Variants in ANO10 observed in about 807,000 individuals in gnomAD.
The protein encoded by ANO10 is anoctamin 10.
ANO10 carries 77 observed loss-of-function variants against 74.7 expected under a neutral mutation model. That is an observed-to-expected ratio of 1.03 (90% CI 0.86 to 1.25). The LOEUF (loss-of-function observed/expected upper bound fraction) is 1.25, where lower values mean the gene tolerates loss of function less well. Ranked by LOEUF, ANO10 falls within the 50% of genes most tolerant of loss-of-function variation. ANO10 has a pLI of 0.00. For synonymous variants in ANO10, 279 were observed against 284.9 expected, an observed-to-expected ratio of 0.98 and a Z score of 0.21; for missense variants, 721 against 778.1, an observed-to-expected ratio of 0.93 and a Z score of 0.87.
At chr3:43,688,422 T>C (rs769398171) in intron 1 of ANO10, among the ~76,000 whole-genome samples, 52 of 152,182 alleles carry the variant, frequency 3.4e-4, no homozygotes, top group Non-Finnish European at 6.0e-4. Context: ...CTAAAGTAAC[T>C]CCATCTCAGA....
At chr3:43,599,537 AT>A (rs1371020308) in intron 3 of ANO10, among the ~76,000 whole-genome samples, 3 of 152,212 alleles carry the variant, frequency 2.0e-5, no homozygotes, top group Non-Finnish European at 2.9e-5. Flanking sequence ...TTTGTAGAAA[AT>A]AATCTCTACT....
At chr3:43,549,579 AT>A in intron 11 of ANO10, 140 bp downstream of exon 11, 1 of 902,796 alleles carries the variant, frequency 1.1e-6, no homozygotes. Flanking sequence ...CATGTTTTCT[AT>A]TACTTGAACT....
At position 43,605,733 on chromosome 3, in the gene ANO10, T is replaced by A; in HGVS notation, c.120A>T (p.Ile40=). Residue 40 remains isoleucine, a synonymous_variant, in exon 2 of 13, where the codon ATA becomes ATT. Coordinates refer to ENST00000292246, the MANE Select transcript of ANO10 (RefSeq NM_018075.5). ...ACTCACCTCCATCTTTTTTTTTAGC[T>A]ATAATTCTGTTTTTCAGCCATTCTT... The part of the protein sequence containing the change: ...ETKEWLKNRI[I]AKKKDGGAQL... 6.2e-7 allele frequency: 1 copy of A among 1,613,730 alleles called. No homozygotes were observed. Among genetic ancestry groups the A allele is most frequent in the Non-Finnish European group, 8.5e-7 (1 of 1,179,712 alleles).
intron 12 of ANO10, among the ~76,000 whole-genome samples, chr3:43,369,394 G>A (rs1442331228): frequency 6.6e-6 from 1 of 152,246 alleles, no homozygotes; most frequent in Non-Finnish European, 1.5e-5. Context: ...AGAATGGCCA[G>A]GGACCCTACA....
chr3:43,372,997 T>C lies in ANO10; in HGVS notation c.1915-6023A>G, dbSNP rs557455135. 243 of 776,600 alleles carry C rather than the reference T, an allele frequency of 3.1e-4. 1 individual carries two copies. The highest frequency in any genetic ancestry group is 4.5e-4 in the Non-Finnish European group (224 of 496,728). 48.1% of individuals were successfully genotyped at this position (776,600 alleles called of 1,614,324 possible). ...TTCAAGTTCTTGAAGTCAGCATCAC[T>C]CTCTGGCCCACAAATTGGCCAATCC... On this transcript the variant is annotated intron_variant, in intron 12 of 12. Transcript: ENST00000292246.
At chr3:43,448,869 CTTTCT>C (rs1334409614) in intron 11 of ANO10, among the ~76,000 whole-genome samples, 55 of 94,470 alleles carry the variant, frequency 5.8e-4, no homozygotes, top group African/African-American at 1.4e-3. Flanking sequence ...TTCTTTCTTT[CTTTCT>C]TTTTTTTTTT....
At chr3:43,618,809 T>C (rs371795850) in intron 1 of ANO10, among the ~76,000 whole-genome samples, 1 of 152,192 alleles carries the variant, frequency 6.6e-6, no homozygotes, top group African/African-American at 2.4e-5. Flanking sequence ...TACGTCTTTT[T>C]TTTTTTCTTT....
chr3:43,549,614 T>C, intron 11 of ANO10, 106 bp downstream of exon 11: 1 of 1,298,428 alleles, frequency 7.7e-7, no homozygotes, highest in Non-Finnish European at 1.1e-6. Flanking sequence ...TACCAGTAAA[T>C]CCATATTGCT....
intron 1 of ANO10, among the ~76,000 whole-genome samples, chr3:43,673,752 AAAG>A (rs2084088220): frequency 6.6e-6 from 1 of 152,178 alleles, no homozygotes; most frequent in African/African-American, 2.4e-5. Context: ...AGGCAGAGGA[AAAG>A]AACACTATTA....
At chr3:43,500,948 AG>A (rs2077078031) in intron 11 of ANO10, among the ~76,000 whole-genome samples, 2 of 152,180 alleles carry the variant, frequency 1.3e-5, no homozygotes, top group Non-Finnish European at 2.9e-5. Context: ...GGTATGTAAG[AG>A]GGCTGGGGAG....
chr3:43,433,085 G>C (rs558885681), intron 11 of ANO10, among the ~76,000 whole-genome samples: 2 of 146,846 alleles, frequency 1.4e-5, no homozygotes, highest in Non-Finnish European at 3.0e-5. Flanking sequence ...TCAGCCTCCC[G>C]AGTGCACCAT....
At chr3:43,488,236 T>C (rs2076576551) in intron 11 of ANO10, among the ~76,000 whole-genome samples, 1 of 151,306 alleles carries the variant, frequency 6.6e-6, no homozygotes, top group Non-Finnish European at 1.5e-5. Flanking sequence ...ACCTAGGCAT[T>C]ACCATTCAGG....
In ANO10 at chr3:43,680,402, A is replaced by C. The variant is rs866693837; in HGVS notation, c.-12+11115T>G. Among the ~76,000 whole-genome samples, 77 of 152,278 alleles carry C rather than the reference A, an allele frequency of 5.1e-4. 1 individual carries two copies. The highest frequency in any genetic ancestry group is 4.2e-3 in the Admixed American group (64 of 15,292). On this transcript the variant is annotated intron_variant, in intron 1 of 3. Transcript: ENST00000413397. ...GTTTAGAGAAAAAAGAATAAAAAGA[A>C]ACAAAGCCTCCAAGAAATATGGGAC...
At chr3:43,477,978 G>GT (rs1329668855) in intron 11 of ANO10, among the ~76,000 whole-genome samples, 1 of 152,148 alleles carries the variant, frequency 6.6e-6, no homozygotes, top group Non-Finnish European at 1.5e-5. Flanking sequence ...AGTAGTCTCT[G>GT]TTTTTTCAGT....
chr3:43,458,134 AAT>A (rs1300336908), intron 11 of ANO10, among the ~76,000 whole-genome samples: 2 of 152,194 alleles, frequency 1.3e-5, no homozygotes, highest in Admixed American at 1.3e-4. Context: ...GGGAGATGAC[AAT>A]ATATCCCCAC....
intron 12 of ANO10, among the ~76,000 whole-genome samples, chr3:43,412,006 T>G (rs1433584677): frequency 1.3e-5 from 2 of 148,298 alleles, no homozygotes; most frequent in African/African-American, 4.9e-5. Flanking sequence ...AAAACATATT[T>G]ATATATATAA....
chr3:43,437,954 T>A (rs1465724329), intron 11 of ANO10, among the ~76,000 whole-genome samples: 8 of 150,512 alleles, frequency 5.3e-5, no homozygotes, highest in African/African-American at 2.0e-4. Context: ...GAAATGAAGA[T>A]CTGTGAATTG....
At chr3:43,540,612 C>T (rs1247379394) in intron 11 of ANO10, among the ~76,000 whole-genome samples, 1 of 152,170 alleles carries the variant, frequency 6.6e-6, no homozygotes, top group Non-Finnish European at 1.5e-5. Context: ...GAATACCACA[C>T]ATAAACAGAT....
intron 4 of ANO10, among the ~76,000 whole-genome samples, chr3:43,586,627 A>C (rs1375100406): frequency 6.6e-6 from 1 of 152,184 alleles, no homozygotes; most frequent in Admixed American, 6.5e-5. Flanking sequence ...AAAACCAAAA[A>C]TACTACAAGA....
Sources: allele counts gnomAD v4.1 joint callset (sites outside exome capture counted in the v4.1 genomes callset), GRCh38; gene constraint gnomAD v4.1.1; transcripts MANE v1.5; gene names NCBI Gene and HGNC (gene_info 2026-07-23, HGNC 2026-07-21).